Variants in SPAG6 observed in about 807,000 individuals in gnomAD.
The protein encoded by SPAG6 is sperm-associated antigen 6.
A neutral mutation model predicts 58.5 loss-of-function variants in SPAG6; 49 were observed. The ratio of observed to expected loss-of-function variants is 0.84; its 90% CI spans 0.67 to 1.06. The LOEUF (loss-of-function observed/expected upper bound fraction) is 1.06, where lower values mean the gene tolerates loss of function less well. SPAG6 is among the 50% of genes least tolerant of loss of function. SPAG6 has a pLI of 0.00. For missense variants in SPAG6, 560 were observed against 611.3 expected, an observed-to-expected ratio of 0.92 and a Z score of 0.89; for synonymous variants, 233 against 225.6, an observed-to-expected ratio of 1.03 and a Z score of -0.29.
intron 2 of SPAG6, among the ~76,000 whole-genome samples, chr10:22,360,417 A>G (rs1837000709): frequency 1.3e-5 from 2 of 148,902 alleles, no homozygotes; most frequent in Non-Finnish European, 3.0e-5. Context: ...ATACTTTGGG[A>G]GTCCAGGAGT....
At chr10:22,360,939 T>C (rs766505779) in intron 2 of SPAG6, 1 of 802,992 alleles carries the variant, frequency 1.2e-6, no homozygotes, top group Non-Finnish European at 2.1e-6. Flanking sequence ...TGCAGTTTCC[T>C]TGCATATTTA....
chr10:22,378,869 G>A (rs1833885153), intron 4 of SPAG6, among the ~76,000 whole-genome samples: 1 of 152,080 alleles, frequency 6.6e-6, no homozygotes, highest in Non-Finnish European at 1.5e-5. Flanking sequence ...CCAGCTGATT[G>A]TAATTTCTTA....
At chr10:22,358,008 A>G (rs1430613160) in intron 2 of SPAG6, among the ~76,000 whole-genome samples, 1 of 151,924 alleles carries the variant, frequency 6.6e-6, no homozygotes, top group Non-Finnish European at 1.5e-5. Flanking sequence ...GGTTGGTTCC[A>G]AGTCTTTGCT....
chr10:22,405,888 T>G (rs905692143), intron 9 of SPAG6, among the ~76,000 whole-genome samples: 1 of 152,222 alleles, frequency 6.6e-6, no homozygotes, highest in Non-Finnish European at 1.5e-5. Context: ...GTCGAGGAAT[T>G]TATCCATTTC....
chr10:22,405,223 A>G (rs1328074609), intron 9 of SPAG6, among the ~76,000 whole-genome samples: 1 of 151,290 alleles, frequency 6.6e-6, no homozygotes, highest in Admixed American at 6.6e-5. Context: ...CCAGTTTTCA[A>G]AGGGAATGCT....
intron 4 of SPAG6, among the ~76,000 whole-genome samples, chr10:22,372,280 C>T (rs1833716799): frequency 6.6e-6 from 1 of 152,154 alleles, no homozygotes; most frequent in Admixed American, 6.5e-5. Flanking sequence ...GGCACAAGTG[C>T]AGTTTTGTAC....
chr10:22,393,937 G>T (rs1834237284), intron 8 of SPAG6, among the ~76,000 whole-genome samples: 1 of 152,152 alleles, frequency 6.6e-6, no homozygotes, highest in African/African-American at 2.4e-5. Context: ...CCATGTTGAA[G>T]TTCATTTTGT....
intron 9 of SPAG6, among the ~76,000 whole-genome samples, chr10:22,407,899 T>G (rs940146805): frequency 1.3e-5 from 2 of 151,126 alleles, no homozygotes; most frequent in African/African-American, 4.9e-5. Flanking sequence ...CATCTTCCAT[T>G]GCTGATACCC....
intron 2 of SPAG6, among the ~76,000 whole-genome samples, chr10:22,363,235 G>T (rs1307865554): frequency 6.6e-6 from 1 of 152,178 alleles, no homozygotes; most frequent in Non-Finnish European, 1.5e-5. Context: ...ATTACAAAGA[G>T]ATGGACAATT....
chr10:22,354,643 C>T (rs1176011951), intron 2 of SPAG6, among the ~76,000 whole-genome samples: 3 of 152,162 alleles, frequency 2.0e-5, no homozygotes, highest in South Asian at 2.1e-4. Context: ...AATCCAACTT[C>T]GCATAGCTTT....
intron 4 of SPAG6, among the ~76,000 whole-genome samples, chr10:22,375,190 T>G (rs1452469038): frequency 6.6e-6 from 1 of 152,242 alleles, no homozygotes; most frequent in African/African-American, 2.4e-5. Flanking sequence ...GGCGTATAAA[T>G]CTGCCTAATA....
chr10:22,409,700 A>T lies in SPAG6; in HGVS notation c.1315-1331A>T, dbSNP rs118107111. ...AAAAAAGAGCGTTTCGGTCAGAGGGATAGTAGCAGTGACTAAGGAAGAGAG... is the reference window on the plus strand; with the variant it reads ...AAAAAAGAGCGTTTCGGTCAGAGGGTTAGTAGCAGTGACTAAGGAAGAGAG... On this transcript the variant is annotated intron_variant, in intron 9 of 10. Transcript: ENST00000376624. Among the ~76,000 whole-genome samples the T allele has an allele frequency of 3.9e-4, 59 of 152,344 alleles. No individual in the cohort carries two copies. The East Asian group carries it at 9.2e-3, about 24-fold the overall frequency.
At chr10:22,346,083 GC>G (rs2132020440) in intron 2 of SPAG6, 1 of 1,506,770 alleles carries the variant, frequency 6.6e-7, no homozygotes, top group Non-Finnish European at 8.9e-7. Flanking sequence ...CCTAGGAATT[GC>G]CTGGAGTCAT....
At chr10:22,364,761 C>T (rs1837145227) in intron 2 of SPAG6, 92 bp from the exon 3 acceptor site, 1 of 878,430 alleles carries the variant, frequency 1.1e-6, no homozygotes. Flanking sequence ...GATTTTTTCC[C>T]TTTAATTTTA....
chr10:22,357,993 A>G (rs1836916286), intron 2 of SPAG6, among the ~76,000 whole-genome samples: 1 of 152,044 alleles, frequency 6.6e-6, no homozygotes, highest in Non-Finnish European at 1.5e-5. Context: ...ATTGTTGGAC[A>G]TTTGGGTTGG....
In SPAG6 at chr10:22,350,473, A is replaced by G. The variant is rs115348463; in HGVS notation, c.121+4655A>G. Among the ~76,000 whole-genome samples, 1,411 of 152,198 alleles carry G rather than the reference A, an allele frequency of 9.3e-3. 32 individuals are homozygous for G. The highest frequency in any genetic ancestry group is 0.033 in the African/African-American group (1,356 of 41,528). On this transcript the variant is annotated intron_variant, in intron 2 of 10. Transcript: ENST00000376624. ...AAAAAACTAAGCTGTAGATGAGCCT[A>G]TAAGAAGGCTTACAAATAGCAAATT...
At chr10:22,416,013 A>G (rs904517415) in intron 10 of SPAG6, among the ~76,000 whole-genome samples, 1 of 152,156 alleles carries the variant, frequency 6.6e-6, no homozygotes, top group Non-Finnish European at 1.5e-5. Flanking sequence ...ATAGATGCCC[A>G]AGAACTATTA....
chr10:22,356,659 A>T (rs1293368674), intron 2 of SPAG6, among the ~76,000 whole-genome samples: 6 of 152,188 alleles, frequency 3.9e-5, no homozygotes, highest in Non-Finnish European at 7.3e-5. Context: ...CCAAACCAGA[A>T]ACTTGGAAAT....
intron 9 of SPAG6, among the ~76,000 whole-genome samples, chr10:22,407,510 G>T (rs1196415136): frequency 6.6e-6 from 1 of 152,214 alleles, no homozygotes; most frequent in Non-Finnish European, 1.5e-5. Flanking sequence ...GAGATCAGCT[G>T]TTAGTCTGAT....
Sources: gnomAD v4.1 joint callset for allele counts (sites outside exome capture counted in the v4.1 genomes callset) on GRCh38, gnomAD v4.1.1 for gene constraint, MANE v1.5 for transcripts, NCBI Gene and HGNC (gene_info 2026-07-23, HGNC 2026-07-21) for gene names.